Variants in MAD1L1 observed in about 807,000 individuals in gnomAD.
MAD1L1 encodes the protein mitotic spindle assembly checkpoint protein MAD1.
Under a neutral mutation model 96.9 loss-of-function variants are expected in MAD1L1, and 95 were observed. The observed-to-expected ratio is 0.98, with a 90% CI of 0.83 to 1.16. MAD1L1 has a LOEUF of 1.16. MAD1L1 is among the 50% of genes most tolerant of loss of function. The probability of loss-of-function intolerance (pLI) is 0.00; values close to 1 mark genes in which losing one functional copy is unlikely to be tolerated. For synonymous variants in MAD1L1, 473 were observed against 396.6 expected, an observed-to-expected ratio of 1.19 and a Z score of -2.29; for missense variants, 1,007 against 954.4, an observed-to-expected ratio of 1.06 and a Z score of -0.73.
chr7:2,205,368 A>G (rs1792545810), intron 10 of MAD1L1, among the ~76,000 whole-genome samples: 1 of 152,120 alleles, frequency 6.6e-6, no homozygotes, highest in African/African-American at 2.4e-5. Flanking sequence ...CGGCTCCTAC[A>G]GACATCACTG....
intron 11 of MAD1L1, among the ~76,000 whole-genome samples, chr7:2,105,207 A>C (rs1476661005): frequency 1.3e-5 from 2 of 152,122 alleles, no homozygotes; most frequent in African/African-American, 4.8e-5. Flanking sequence ...CAGAAAGGGA[A>C]GGTCTCTGCC....
chr7:2,058,655 A>G (rs1584216396), intron 12 of MAD1L1, among the ~76,000 whole-genome samples: 1 of 81,544 alleles, frequency 1.2e-5, no homozygotes, highest in Non-Finnish European at 2.3e-5. Flanking sequence ...CTGGAGAGGG[A>G]GTGTGGCCAG....
chr7:1,881,203 G>A (rs1785660289), intron 18 of MAD1L1, among the ~76,000 whole-genome samples: 1 of 152,192 alleles, frequency 6.6e-6, no homozygotes, highest in Non-Finnish European at 1.5e-5. Context: ...GGCTGAAATA[G>A]ATGCAAAACA....
intron 12 of MAD1L1, among the ~76,000 whole-genome samples, chr7:2,051,951 A>C (rs1335020587): frequency 6.6e-6 from 1 of 152,070 alleles, no homozygotes; most frequent in Admixed American, 6.5e-5. Flanking sequence ...GGAGTACTCC[A>C]AGGGCAAGCG....
intron 12 of MAD1L1, among the ~76,000 whole-genome samples, chr7:2,050,184 C>T (rs1184966367): frequency 6.6e-6 from 1 of 150,876 alleles, no homozygotes; most frequent in Non-Finnish European, 1.5e-5. Context: ...CCTCACCCAG[C>T]GTCTGCGGGC....
chr7:2,096,786 G>C (rs3823628), intron 11 of MAD1L1, among the ~76,000 whole-genome samples: 12,237 of 152,050 alleles, frequency 0.08, 591 homozygotes, highest in African/African-American at 0.13. Flanking sequence ...GCTGCCCCAC[G>C]ACCACCACCA....
At chr7:2,118,494 G>A (rs1282790544) in intron 11 of MAD1L1, among the ~76,000 whole-genome samples, 1 of 152,236 alleles carries the variant, frequency 6.6e-6, no homozygotes, top group Non-Finnish European at 1.5e-5. Context: ...GGTCTGCCCA[G>A]CATCCGTAGT....
chr7:2,029,932 G>T (rs1044301539), intron 12 of MAD1L1, among the ~76,000 whole-genome samples: 3 of 152,160 alleles, frequency 2.0e-5, no homozygotes, highest in African/African-American at 7.2e-5. Flanking sequence ...AAAATCCAAG[G>T]AACAGAAACA....
intron 17 of MAD1L1, among the ~76,000 whole-genome samples, chr7:1,917,625 G>A (rs962192711): frequency 2.6e-5 from 4 of 152,252 alleles, no homozygotes; most frequent in Admixed American, 6.5e-5. Context: ...GTTTACAGAC[G>A]TGCCAGAAAG....
intron 10 of MAD1L1, among the ~76,000 whole-genome samples, chr7:2,157,892 G>A (rs765550742): frequency 3.9e-5 from 6 of 152,198 alleles, no homozygotes; most frequent in Non-Finnish European, 5.9e-5. Context: ...CTAAGTGCTC[G>A]TAACCAGGAG....
chr7:2,143,010 C>T (rs1789119270), intron 11 of MAD1L1, among the ~76,000 whole-genome samples: 1 of 152,184 alleles, frequency 6.6e-6, no homozygotes, highest in African/African-American at 2.4e-5. Flanking sequence ...AAACTTACCC[C>T]TGCCATGCCC....
chr7:1,948,649 CCT>C (rs767828063), intron 16 of MAD1L1, among the ~76,000 whole-genome samples: 67 of 152,344 alleles, frequency 4.4e-4, no homozygotes, highest in Non-Finnish European at 8.8e-4. Context: ...CCATGACACC[CCT>C]GATAACAGCC....
intron 17 of MAD1L1, among the ~76,000 whole-genome samples, chr7:1,923,334 T>G (rs187785780): frequency 2.4e-3 from 369 of 152,176 alleles, no homozygotes; most frequent in African/African-American, 8.7e-3. Context: ...AACCTGGGAG[T>G]GAGCACAAGA....
chr7:2,018,256 C>T (rs73277191), intron 12 of MAD1L1, among the ~76,000 whole-genome samples: 6,088 of 152,308 alleles, frequency 0.04, 188 homozygotes, highest in East Asian at 0.087. Flanking sequence ...TGTGAGGACA[C>T]TCAACCACAC....
intron 18 of MAD1L1, among the ~76,000 whole-genome samples, chr7:1,894,709 G>A (rs1786757697): frequency 6.6e-6 from 1 of 152,130 alleles, no homozygotes; most frequent in Admixed American, 6.5e-5. Flanking sequence ...TCCAAAGAGG[G>A]GAGGGGGCGA....
chr7:1,977,276 G>C (rs1174703816), intron 15 of MAD1L1, among the ~76,000 whole-genome samples: 3 of 152,262 alleles, frequency 2.0e-5, no homozygotes, highest in African/African-American at 4.8e-5. Context: ...AGGCGGCTGA[G>C]GCCCAGTGAG....
chr7:1,864,777 A>C (rs1784700810), intron 18 of MAD1L1, among the ~76,000 whole-genome samples: 1 of 152,010 alleles, frequency 6.6e-6, no homozygotes, highest in Non-Finnish European at 1.5e-5. Flanking sequence ...CACTGTTGGG[A>C]GAGCCTGGTG....
At chr7:1,909,650 T>C (rs777824156) in intron 17 of MAD1L1, among the ~76,000 whole-genome samples, 1 of 151,876 alleles carries the variant, frequency 6.6e-6, no homozygotes, top group African/African-American at 2.4e-5. Flanking sequence ...CGGCCCCAAA[T>C]CCAAATTCCC....
intron 11 of MAD1L1, among the ~76,000 whole-genome samples, chr7:2,115,665 C>T (rs1787649442): frequency 6.6e-6 from 1 of 152,246 alleles, no homozygotes; most frequent in African/African-American, 2.4e-5. Context: ...CAATGCCGGG[C>T]CTGTGGACAC....
Sources: allele counts gnomAD v4.1 joint callset (sites outside exome capture counted in the v4.1 genomes callset), GRCh38; gene constraint gnomAD v4.1.1; transcripts MANE v1.5; gene names NCBI Gene and HGNC (gene_info 2026-07-23, HGNC 2026-07-21).